ZNF280D: variants seen among roughly 807,000 people sequenced by gnomAD.
ZNF280D encodes the protein zinc finger protein 280D.
A neutral mutation model predicts 94.7 loss-of-function variants in ZNF280D; 39 were observed. The ratio of observed to expected loss-of-function variants is 0.41; its 90% CI spans 0.32 to 0.54. The LOEUF (loss-of-function observed/expected upper bound fraction) is 0.54. Ranked by LOEUF, ZNF280D falls within the 20% of genes least tolerant of loss-of-function variation. The pLI is 0.22. For missense variants in ZNF280D, 1,090 were observed against 1,149.3 expected, an observed-to-expected ratio of 0.95 and a Z score of 0.75; for synonymous variants, 398 against 377.6, an observed-to-expected ratio of 1.05 and a Z score of -0.63.
At chr15:56,702,910 AACACACACACACACACACACAC>A (rs59095987) in intron 4 of ZNF280D, among the ~76,000 whole-genome samples, 235 of 135,758 alleles carry the variant, frequency 1.7e-3, no homozygotes, top group Non-Finnish European at 2.9e-3. Flanking sequence ...ATGGTAAGTA[AACACACACACACACACACACAC>A]ACACACACAC....
chr15:56,668,055 T>A (rs2054414734), intron 14 of ZNF280D: 2 of 428,340 alleles, frequency 4.7e-6, no homozygotes, highest in South Asian at 3.4e-5. Context: ...GGAAGGATGC[T>A]GGATAGCTTC....
intron 8 of ZNF280D, 43 bp from the exon 9 acceptor site, chr15:56,689,193 T>A: frequency 6.3e-7 from 1 of 1,577,656 alleles, no homozygotes; most frequent in Non-Finnish European, 8.6e-7. Flanking sequence ...ATTCATCACT[T>A]TTTAACCTTA....
intron 19 of ZNF280D, 96 bp downstream of exon 19, chr15:56,654,102 C>T: frequency 6.5e-7 from 1 of 1,529,552 alleles, no homozygotes; most frequent in Non-Finnish European, 8.7e-7. Context: ...CAACAACATA[C>T]TTTAATACTT....
At chr15:56,644,117 TAA>T (rs1331046570) in intron 19 of ZNF280D, among the ~76,000 whole-genome samples, 1 of 152,072 alleles carries the variant, frequency 6.6e-6, no homozygotes, top group Non-Finnish European at 1.5e-5. Flanking sequence ...AACTGCTACT[TAA>T]TATAGATTAT....
intron 14 of ZNF280D, 97 bp downstream of exon 14, chr15:56,668,726 C>G: frequency 2.6e-6 from 3 of 1,161,430 alleles, no homozygotes; most frequent in South Asian, 3.7e-5. Flanking sequence ...GAGCAAAAAT[C>G]TGAAGTCATT....
chr15:56,697,140 T>C (rs2141145866), intron 6 of ZNF280D, among the ~76,000 whole-genome samples: 1 of 152,252 alleles, frequency 6.6e-6, no homozygotes, highest in South Asian at 2.1e-4. Context: ...TAGCAAAGAA[T>C]TTTTACATTC....
chr15:56,697,689 A>G (rs2141152412), intron 6 of ZNF280D: 1 of 152,326 alleles, frequency 6.6e-6, no homozygotes, highest in South Asian at 2.1e-4. Flanking sequence ...TTGAACCCAA[A>G]AAGACTTTTT....
chr15:56,665,669 A>G (rs1204917622), intron 16 of ZNF280D, among the ~76,000 whole-genome samples: 8 of 133,130 alleles, frequency 6.0e-5, no homozygotes, highest in African/African-American at 1.9e-4. Context: ...GGATGACGCC[A>G]CTACAGCCTG....
rs2055260911 is a variant in ZNF280D, at chr15:56,676,791, AATG to A, written c.1286_1288del (p.Ser429del). The A allele has an allele frequency of 6.2e-7, 1 of 1,603,352 alleles. No individual in the cohort carries two copies. The highest frequency in any genetic ancestry group is 2.2e-5 in the East Asian group (1 of 44,734). ...TCTAAAATGAGTTTCTACATCAGAA[AATG>A]ATGATGATCTATAATTACAAACCTA... On this transcript the variant is annotated inframe_deletion, in exon 13 of 22. Transcript: ENST00000267807.
chr15:56,698,444 T>G (rs2056875442), intron 6 of ZNF280D: 1 of 152,236 alleles, frequency 6.6e-6, no homozygotes, highest in Admixed American at 6.5e-5. Flanking sequence ...TAAGAAATAT[T>G]ACTATCAATT....
intron 6 of ZNF280D, chr15:56,698,433 G>A (rs577734022): frequency 1.3e-5 from 2 of 152,214 alleles, no homozygotes; most frequent in South Asian, 2.1e-4. Context: ...TTTACCATTG[G>A]TAAGAAATAT....
intron 3 of ZNF280D, among the ~76,000 whole-genome samples, chr15:56,705,760 ACTG>A (rs1404463684): frequency 4.0e-5 from 6 of 151,840 alleles, no homozygotes; most frequent in Non-Finnish European, 8.8e-5. Context: ...ACGATCTCAA[ACTG>A]CTATTTTTTC....
chr15:56,707,481 G>A (rs1361179101), intron 1 of ZNF280D, 175 bp from the exon 2 acceptor site: 1 of 171,288 alleles, frequency 5.8e-6, no homozygotes, highest in Non-Finnish European at 1.2e-5. Flanking sequence ...TAAATAAATG[G>A]TGATTATACT....
At chr15:56,675,949 A>G (rs1443611656) in intron 13 of ZNF280D, among the ~76,000 whole-genome samples, 8 of 152,066 alleles carry the variant, frequency 5.3e-5, no homozygotes, top group Non-Finnish European at 1.0e-4. Flanking sequence ...TATTGCATCA[A>G]AATTTTTAGC....
chr15:56,676,223 T>C (rs1366365745), intron 13 of ZNF280D, among the ~76,000 whole-genome samples: 3 of 152,080 alleles, frequency 2.0e-5, no homozygotes, highest in Non-Finnish European at 2.9e-5. Context: ...CTCATAATGA[T>C]AAGGGGTTAG....
chr15:56,665,703 C>CA lies in ZNF280D; in HGVS notation c.1994+691dup, dbSNP rs71113013. Among the ~76,000 whole-genome samples the CA allele has an allele frequency of 6.0e-3, 521 of 86,286 alleles. 14 individuals are homozygous for CA. Among genetic ancestry groups the CA allele is most frequent in the Middle Eastern group, 0.028 (3 of 106 alleles). The allele number at this position is 86,286 out of a possible 152,430, so 56.6% of individuals were successfully genotyped here. Reference sequence around the variant, plus strand: ...TGGGCGACACAGCGAGACTCCGTCTCAAAAAAAAAAAAAAAAAAGGAGGAT... The same window carrying CA: ...TGGGCGACACAGCGAGACTCCGTCTCAAAAAAAAAAAAAAAAAAAGGAGGAT... On this transcript the variant is annotated intron_variant, in intron 16 of 21. Coordinates refer to ENST00000267807, the MANE Select transcript of ZNF280D (RefSeq NM_017661.4).
chr15:56,694,120 T>C (rs138848699), intron 6 of ZNF280D, among the ~76,000 whole-genome samples: 202 of 152,090 alleles, frequency 1.3e-3, no homozygotes, highest in Non-Finnish European at 2.6e-3. Flanking sequence ...AAAAGGAAGA[T>C]CTTAAGAAGA....
intron 19 of ZNF280D, 23 bp downstream of exon 19, chr15:56,654,175 C>G: frequency 6.3e-7 from 1 of 1,599,784 alleles, no homozygotes; most frequent in Non-Finnish European, 8.5e-7. Context: ...AAGTAAAATG[C>G]ACTGAATAAA....
chr15:56,702,146 T>C (rs185114613), intron 4 of ZNF280D, among the ~76,000 whole-genome samples: 20 of 152,170 alleles, frequency 1.3e-4, no homozygotes, highest in Admixed American at 3.3e-4. Context: ...AGAAATATGG[T>C]TGTTTTCTGA....
Sources: gnomAD v4.1 joint callset for allele counts (sites outside exome capture counted in the v4.1 genomes callset) on GRCh38, gnomAD v4.1.1 for gene constraint, MANE v1.5 for transcripts, NCBI Gene and HGNC (gene_info 2026-07-23, HGNC 2026-07-21) for gene names.